The following FAM151A variants were observed in gnomAD, a reference collection of about 807,000 sequenced individuals.
FAM151A encodes the protein protein FAM151A.
FAM151A carries 41 observed loss-of-function variants against 40.4 expected under a neutral mutation model. The observed-to-expected ratio is 1.01, with a 90% CI of 0.79 to 1.32. The LOEUF is 1.32. Among genes scored for constraint, FAM151A ranks in the 40% most tolerant of loss-of-function variants. The probability of loss-of-function intolerance (pLI) is 0.00; values close to 1 mark genes in which losing one functional copy is unlikely to be tolerated. For synonymous variants in FAM151A, 337 were observed against 312.5 expected (o/e 1.08, Z -0.83); for missense variants, 740 against 740.4 (o/e 1.00, Z 0.01).
chr1:54,622,489 A>T (rs1336160180), intron 1 of FAM151A, among the ~76,000 whole-genome samples: 3 of 151,994 alleles, frequency 2.0e-5, no homozygotes, highest in African/African-American at 7.3e-5. Context: ...GAAGCAGGAG[A>T]ATATCTTGAA....
At position 54,612,614 on chromosome 1, in the gene FAM151A, G is replaced by T; in HGVS notation, c.672C>A (p.Thr224=). 1 of 1,614,100 alleles carries T rather than the reference G, an allele frequency of 6.2e-7. No homozygotes were observed. Among genetic ancestry groups the T allele is most frequent in the African/African-American group, 1.3e-5 (1 of 75,034 alleles). The change falls in exon 5 of 8, where the codon ACC becomes ACA. Residue 224 remains threonine (T), a synonymous_variant. Coordinates refer to ENST00000302250, the MANE Select transcript of FAM151A (RefSeq NM_176782.3). ...CGTGCATCTTCTCCACCATGGCTTG[G>T]GTGTACGTCCTGTTTGGGGACGTGG... ...YMSTSPNRTY[T]QAMVEKMHEL...
intron 3 of FAM151A, 27 bp downstream of exon 3, chr1:54,615,993 G>A (rs200435280): frequency 2.0e-5 from 33 of 1,610,948 alleles, no homozygotes; most frequent in Middle Eastern, 2.1e-4. Flanking sequence ...GCTGGGGGCC[G>A]GAGAGGGTTT....
intron 2 of FAM151A, 78 bp from the exon 3 acceptor site, chr1:54,616,250 A>G (rs1644172396): frequency 7.8e-7 from 1 of 1,275,510 alleles, no homozygotes; most frequent in Non-Finnish European, 1.1e-6. Context: ...AAGCATTACA[A>G]ATTACAGAAC....
chr1:54,615,481 G>A (rs1242551103), intron 3 of FAM151A, among the ~76,000 whole-genome samples: 1 of 152,170 alleles, frequency 6.6e-6, no homozygotes, highest in Non-Finnish European at 1.5e-5. Flanking sequence ...TGGTAGTCAA[G>A]GGAAGCCTGG....
intron 2 of FAM151A, among the ~76,000 whole-genome samples, chr1:54,617,292 C>T (rs565565315): frequency 6.6e-6 from 1 of 152,160 alleles, no homozygotes; most frequent in African/African-American, 2.4e-5. Context: ...CCGCTTTTGG[C>T]CCTTGCAGCA....
chr1:54,621,257 G>A (rs1457679810), intron 1 of FAM151A, among the ~76,000 whole-genome samples: 4 of 151,862 alleles, frequency 2.6e-5, no homozygotes, highest in Admixed American at 6.6e-5. Flanking sequence ...AGGAGTTCAC[G>A]ATCAGCCTGG....
At position 54,611,681 on chromosome 1, in the gene FAM151A, G is replaced by A. The variant is rs200003486; in HGVS notation, c.865C>T (p.Arg289Trp). The change falls in exon 6 of 8, where the codon CGG (arginine) becomes TGG (tryptophan). Residue 289 changes from arginine (R) to tryptophan (W), a missense_variant. Arg to Trp is a moderately radical substitution (Grantham distance 101). Transcript: ENST00000302250. ...PMSVEDLLYV[R>W]DNTAVHQVYY... ...ACTTGGTGGACAGCAGTGTTATCCC[G>A]GACGTAGAGCAGATCTTCCACCGAC... The A allele has an allele frequency of 1.3e-4, 204 of 1,614,062 alleles. No homozygotes were observed. The East Asian group carries it at 1.4e-3, about 11-fold the overall frequency.
chr1:54,616,392 C>T (rs931404400), intron 2 of FAM151A, among the ~76,000 whole-genome samples: 18 of 150,686 alleles, frequency 1.2e-4, no homozygotes, highest in Non-Finnish European at 2.9e-5. Context: ...GAGACGGAGT[C>T]TTGCTCTATC....
chr1:54,615,237 C>T (rs1644160507), intron 3 of FAM151A, among the ~76,000 whole-genome samples: 1 of 152,116 alleles, frequency 6.6e-6, no homozygotes, highest in Admixed American at 6.5e-5. Flanking sequence ...GGAGGTTACT[C>T]AGCCTCCAAG....
At position 54,623,523 on chromosome 1, in the gene FAM151A, T is replaced by A; in HGVS notation, c.-128A>T. ...TAATTCTCCACCGGGCCTGGTCTGC[T>A]CTGCAGCCCTGTAATATCCCCTCTG... On this transcript the variant is annotated 5_prime_UTR_variant, in exon 1 of 8. Transcript: ENST00000302250. 1 of 716,224 alleles carries A rather than the reference T, an allele frequency of 1.4e-6. No individual in the cohort carries two copies. Among genetic ancestry groups the A allele is most frequent in the Non-Finnish European group, 2.5e-6 (1 of 405,162 alleles). 44.4% of individuals were successfully genotyped at this position (716,224 alleles called of 1,614,324 possible). A position where few individuals can be genotyped will look rare whatever the true frequency, so the allele number is the denominator to read the frequency against.
chr1:54,613,930 G>T (rs72903832), intron 4 of FAM151A, among the ~76,000 whole-genome samples: 1 of 152,164 alleles, frequency 6.6e-6, no homozygotes, highest in Admixed American at 6.5e-5. Context: ...CCAGACTTAG[G>T]CAGGTCTTTT....
chr1:54,619,836 C>A (rs1245442817), intron 2 of FAM151A, 28 bp downstream of exon 2: 1 of 1,611,380 alleles, frequency 6.2e-7, no homozygotes, highest in Admixed American at 1.7e-5. Flanking sequence ...TTGCCCTGGC[C>A]TGCCTCAGTC....
chr1:54,619,723 T>G, intron 2 of FAM151A, 141 bp downstream of exon 2: 6 of 836,482 alleles, frequency 7.2e-6, no homozygotes, highest in Non-Finnish European at 9.3e-6. Context: ...TTAACCCCTC[T>G]GAGCCCCTAT....
chr1:54,620,492 G>C (rs927174312), intron 1 of FAM151A, among the ~76,000 whole-genome samples: 2 of 152,052 alleles, frequency 1.3e-5, no homozygotes, highest in South Asian at 4.1e-4. Context: ...GATCACCTGA[G>C]ATTAGGAGTT....
At chr1:54,618,165 T>G (rs1644194489) in intron 2 of FAM151A, among the ~76,000 whole-genome samples, 1 of 152,140 alleles carries the variant, frequency 6.6e-6, no homozygotes, top group South Asian at 2.1e-4. Context: ...TTCTCTCAAC[T>G]TTACTATGGC....
rs748722820 is a variant in FAM151A, at chr1:54,609,851, A to T, written c.1175T>A (p.Ile392Asn). The T allele has an allele frequency of 1.9e-5, 30 of 1,613,914 alleles. No individual in the cohort carries two copies. Among genetic ancestry groups the T allele is most frequent in the Admixed American group, 6.7e-5 (4 of 60,014 alleles). Reference protein sequence around the residue: ...VPIVHTPSGNILTLESCLQQL... With the variant: ...VPIVHTPSGNNLTLESCLQQL... The stretch of plus-strand genomic sequence containing the variant: ...CTGCAGGCAGGACTCCAGCGTCAGG[A>T]TGTTGCCACTTGGAGTATGAACAAT... The change falls in exon 8 of 8, where the codon ATC becomes AAC. Residue 392 changes from isoleucine (I) to asparagine (N), a missense_variant. Transcript: ENST00000302250.
In FAM151A at chr1:54,609,191, CAA is replaced by C. The variant is rs1644078161; in HGVS notation, c.*75_*76del. On this transcript the variant is annotated 3_prime_UTR_variant, in exon 8 of 8. Coordinates refer to ENST00000302250, the MANE Select transcript of FAM151A (RefSeq NM_176782.3). The stretch of plus-strand genomic sequence containing the variant: ...CTCACATACAGTGCCTGGAGAAAGC[CAA>C]AGACCTTTATTTCTTCCTGCCTCCC... The C allele has an allele frequency of 1.9e-6, 3 of 1,599,912 alleles. No homozygotes were observed. The highest frequency in any genetic ancestry group is 2.3e-5 in the South Asian group (2 of 88,856).
At chr1:54,615,902 C>G (rs764483457) in intron 3 of FAM151A, 118 bp downstream of exon 3, 2 of 1,060,450 alleles carry the variant, frequency 1.9e-6, no homozygotes, top group Non-Finnish European at 2.8e-6. Flanking sequence ...ATGAGAAAGC[C>G]AAGGCAATGA....
intron 6 of FAM151A, 98 bp from the exon 7 acceptor site, chr1:54,610,653 T>TAG: frequency 6.7e-7 from 1 of 1,502,312 alleles, no homozygotes; most frequent in South Asian, 1.3e-5. Flanking sequence ...ACGGGCATCC[T>TAG]CTCTAAGCCT....
Sources: allele counts gnomAD v4.1 joint callset (sites outside exome capture counted in the v4.1 genomes callset), GRCh38; gene constraint gnomAD v4.1.1; transcripts MANE v1.5; gene names NCBI Gene and HGNC (gene_info 2026-07-23, HGNC 2026-07-21).